The following PHLDB2 variants were observed in gnomAD, a reference collection of about 807,000 sequenced individuals.
PHLDB2 encodes the protein pleckstrin homology-like domain family B member 2.
In PHLDB2, 71 loss-of-function variants were observed where a neutral mutation model predicts 123.6. The ratio of observed to expected loss-of-function variants is 0.57; its 90% CI spans 0.47 to 0.70. PHLDB2 has a LOEUF of 0.70. PHLDB2 is among the 30% of genes least tolerant of loss of function. The pLI is 0.00. For synonymous variants in PHLDB2, 547 were observed against 541.6 expected (o/e 1.01, Z -0.14); for missense variants, 1,446 against 1,519.5 (o/e 0.95, Z 0.80).
chr3:111,967,806 G>A lies in PHLDB2; in HGVS notation c.3297G>A (p.Arg1099=), dbSNP rs756249612. 2 of 1,610,462 alleles carry A rather than the reference G, an allele frequency of 1.2e-6. No homozygotes were observed. The highest frequency in any genetic ancestry group is 1.7e-5 in the Admixed American group (1 of 59,236). The stretch of plus-strand genomic sequence containing the variant: ...TAATAGAAAAGGAAGTAAAAATAAG[G>A]GAGAGACAAAGGGCACAGGTTGGTC... The part of the protein sequence containing the change: ...QKLIEKEVKI[R]ERQRAQARPL... Residue 1099 remains arginine, a synonymous_variant, in exon 15 of 18, where the codon AGG becomes AGA. Coordinates refer to ENST00000431670, the MANE Select transcript of PHLDB2 (RefSeq NM_001134438.2).
At chr3:111,795,778 G>A (rs1321468406) in intron 1 of PHLDB2, among the ~76,000 whole-genome samples, 1 of 152,168 alleles carries the variant, frequency 6.6e-6, no homozygotes, top group African/African-American at 2.4e-5. Flanking sequence ...AGGCTGGAGT[G>A]CAATGATGTG....
At chr3:111,883,124 AT>A (rs551055587) in intron 1 of PHLDB2, among the ~76,000 whole-genome samples, 6 of 151,878 alleles carry the variant, frequency 4.0e-5, no homozygotes, top group African/African-American at 9.7e-5. Flanking sequence ...ATCTAAGAAA[AT>A]TTTTTTTTAT....
intron 1 of PHLDB2, among the ~76,000 whole-genome samples, chr3:111,834,254 ATAATTC>A (rs2063284399): frequency 1.7e-5 from 2 of 117,228 alleles, no homozygotes; most frequent in South Asian, 5.4e-4. Context: ...AATTATATAT[ATAATTC>A]TATTATATAC....
At chr3:111,801,520 C>T (rs1317175820) in intron 1 of PHLDB2, among the ~76,000 whole-genome samples, 1 of 152,026 alleles carries the variant, frequency 6.6e-6, no homozygotes, top group Admixed American at 6.6e-5. Flanking sequence ...TCATTCATGT[C>T]ACAAATATGA....
chr3:111,867,480 A>G (rs1405380719), intron 1 of PHLDB2, among the ~76,000 whole-genome samples: 1 of 152,222 alleles, frequency 6.6e-6, no homozygotes, highest in African/African-American at 2.4e-5. Flanking sequence ...AATTATTTAT[A>G]TATGCTAATC....
At chr3:111,867,242 A>G (rs868346683) in intron 1 of PHLDB2, among the ~76,000 whole-genome samples, 22 of 152,128 alleles carry the variant, frequency 1.4e-4, no homozygotes, top group African/African-American at 5.3e-4. Context: ...TTAAAAAAAA[A>G]ATCAGCTAGG....
At chr3:111,819,786 A>G (rs11717092) in intron 1 of PHLDB2, among the ~76,000 whole-genome samples, 83,314 of 152,038 alleles carry the variant, frequency 0.55, 23,857 homozygotes, top group Middle Eastern at 0.8. Context: ...GACTTATTCT[A>G]ATTTTCTTTT....
At chr3:111,872,177 A>C (rs1327238252) in intron 1 of PHLDB2, among the ~76,000 whole-genome samples, 1 of 152,250 alleles carries the variant, frequency 6.6e-6, no homozygotes, top group African/African-American at 2.4e-5. Context: ...CTCCCAGCCC[A>C]TTCTGTGGAT....
intron 1 of PHLDB2, among the ~76,000 whole-genome samples, chr3:111,784,851 T>C (rs1474127669): frequency 6.6e-6 from 1 of 152,134 alleles, no homozygotes; most frequent in East Asian, 1.9e-4. Flanking sequence ...CTTGAACATG[T>C]CATACCTAAC....
chr3:111,744,652 T>C (rs891215128), intron 1 of PHLDB2, among the ~76,000 whole-genome samples: 17 of 152,338 alleles, frequency 1.1e-4, no homozygotes, highest in African/African-American at 4.1e-4. Context: ...GAGCTACCAG[T>C]AGTAGTTCAG....
intron 1 of PHLDB2, among the ~76,000 whole-genome samples, chr3:111,836,129 G>T (rs2063383752): frequency 6.6e-6 from 1 of 152,124 alleles, no homozygotes; most frequent in Admixed American, 6.5e-5. Context: ...CTTTTTCAAT[G>T]ATATGACTTA....
chr3:111,901,411 A>T (rs2067196980), intron 2 of PHLDB2, among the ~76,000 whole-genome samples: 1 of 151,964 alleles, frequency 6.6e-6, no homozygotes, highest in South Asian at 2.1e-4. Flanking sequence ...ATGACTCAAA[A>T]ATAATTGTAT....
intron 1 of PHLDB2, among the ~76,000 whole-genome samples, chr3:111,807,914 G>A (rs2061662771): frequency 6.7e-6 from 1 of 149,854 alleles, no homozygotes; most frequent in African/African-American, 2.5e-5. Flanking sequence ...TTATTTCTTT[G>A]ATAAGAGGAC....
chr3:111,840,689 T>A (rs1236673921), intron 1 of PHLDB2, among the ~76,000 whole-genome samples: 1 of 152,184 alleles, frequency 6.6e-6, no homozygotes, highest in Non-Finnish European at 1.5e-5. Flanking sequence ...CTAGGTGACC[T>A]TAGAGAAGTT....
intron 1 of PHLDB2, among the ~76,000 whole-genome samples, chr3:111,792,988 C>T (rs927301873): frequency 2.0e-5 from 3 of 152,188 alleles, no homozygotes; most frequent in Non-Finnish European, 1.5e-5. Flanking sequence ...GATTCAGACC[C>T]AAAGCTAGCA....
chr3:111,920,760 A>G (rs1342420793), intron 5 of PHLDB2, among the ~76,000 whole-genome samples: 1 of 152,180 alleles, frequency 6.6e-6, no homozygotes, highest in African/African-American at 2.4e-5. Context: ...TTTCTTTAGT[A>G]TACTGAAGTT....
chr3:111,935,405 A>G (rs2069413827), intron 6 of PHLDB2, among the ~76,000 whole-genome samples: 1 of 152,062 alleles, frequency 6.6e-6, no homozygotes, highest in Non-Finnish European at 1.5e-5. Context: ...AAGTCATTCA[A>G]CTTCTATGGG....
chr3:111,742,536 C>T (rs2059621104), intron 1 of PHLDB2, among the ~76,000 whole-genome samples: 1 of 152,076 alleles, frequency 6.6e-6, no homozygotes, highest in Admixed American at 6.6e-5. Context: ...GTTCAATTCC[C>T]ACCTATGAGT....
intron 13 of PHLDB2, among the ~76,000 whole-genome samples, chr3:111,963,732 C>G (rs945898229): frequency 6.6e-6 from 1 of 152,104 alleles, no homozygotes; most frequent in African/African-American, 2.4e-5. Flanking sequence ...ATGGAATTAC[C>G]TCATTAATAG....
Sources: allele counts gnomAD v4.1 joint callset (sites outside exome capture counted in the v4.1 genomes callset), GRCh38; gene constraint gnomAD v4.1.1; transcripts MANE v1.5; gene names NCBI Gene and HGNC (gene_info 2026-07-23, HGNC 2026-07-21).